VPS13C: variants seen among roughly 807,000 people sequenced by gnomAD.
VPS13C encodes the protein intermembrane lipid transfer protein VPS13C.
VPS13C carries 358 observed loss-of-function variants against 456.8 expected under a neutral mutation model. The ratio of observed to expected loss-of-function variants is 0.78; its 90% CI spans 0.72 to 0.86. VPS13C has a LOEUF of 0.86. Among genes scored for constraint, VPS13C ranks in the 40% least tolerant of loss-of-function variants. The pLI, the probability that VPS13C is intolerant of heterozygous loss-of-function variation, is 0.00. For missense variants in VPS13C, 4,818 were observed against 4,385.4 expected, an observed-to-expected ratio of 1.10 and a Z score of -2.79; for synonymous variants, 1,578 against 1,486.7, an observed-to-expected ratio of 1.06 and a Z score of -1.41.
At chr15:61,962,694 A>T in intron 33 of VPS13C, 55 bp downstream of exon 33, 1 of 1,375,928 alleles carries the variant, frequency 7.3e-7, no homozygotes, top group Non-Finnish European at 9.9e-7. Flanking sequence ...ATTTTACAAT[A>T]GAAGCTCATA....
intron 4 of VPS13C, 118 bp downstream of exon 4, chr15:62,034,839 A>G (rs2047935248): frequency 1.6e-6 from 1 of 625,152 alleles, no homozygotes. Context: ...TCTATGTATG[A>G]TTCATTTATT....
intron 66 of VPS13C, among the ~76,000 whole-genome samples, chr15:61,895,820 C>G (rs574371312): frequency 6.6e-6 from 1 of 151,950 alleles, no homozygotes; most frequent in Non-Finnish European, 1.5e-5. Flanking sequence ...GGAAGAAGGG[C>G]GGATAGGGAA....
At chr15:61,973,114 T>C (rs539235881) in intron 26 of VPS13C, among the ~76,000 whole-genome samples, 3 of 152,190 alleles carry the variant, frequency 2.0e-5, no homozygotes, top group Non-Finnish European at 2.9e-5. Flanking sequence ...GGTCCTGTCC[T>C]GATGAAGCTT....
At chr15:61,994,980 CA>C (rs2046336310) in intron 16 of VPS13C, among the ~76,000 whole-genome samples, 1 of 152,108 alleles carries the variant, frequency 6.6e-6, no homozygotes, top group Non-Finnish European at 1.5e-5. Context: ...AAGCAAGTTA[CA>C]AAACCTTCTC....
chr15:61,991,576 A>C (rs2046223620), intron 17 of VPS13C, 97 bp downstream of exon 17: 1 of 1,366,626 alleles, frequency 7.3e-7, no homozygotes, highest in Admixed American at 2.4e-5. Context: ...ATTTATTTCA[A>C]ATGTATTTCA....
intron 38 of VPS13C, among the ~76,000 whole-genome samples, chr15:61,952,547 T>A (rs1299478341): frequency 6.6e-6 from 1 of 152,112 alleles, no homozygotes; most frequent in African/African-American, 2.4e-5. Flanking sequence ...GTTAAGTATA[T>A]CTGCAAATAG....
intron 66 of VPS13C, among the ~76,000 whole-genome samples, chr15:61,900,990 A>G (rs1014937020): frequency 2.6e-5 from 4 of 152,284 alleles, no homozygotes; most frequent in African/African-American, 9.6e-5. Flanking sequence ...GACAAACCTG[A>G]CAAAAACAAG....
chr15:62,014,149 C>CA (rs1322867753), intron 9 of VPS13C, among the ~76,000 whole-genome samples, 157 bp from the exon 10 acceptor site: 2 of 150,296 alleles, frequency 1.3e-5, no homozygotes, highest in Admixed American at 6.6e-5. Context: ...ATTTATAAGA[C>CA]AAAATCAAAG....
rs780873953 is a variant in VPS13C, at chr15:61,911,903, A to G, written c.8652T>C (p.Val2884=). Residue 2884 remains valine (V), a synonymous_variant, in exon 63 of 85, where the codon GTT becomes GTC. Coordinates refer to ENST00000644861, the MANE Select transcript of VPS13C (RefSeq NM_020821.3). ...TTGAGCCATCAGATGCAATCTCGCC[A>G]ACTTCTAGTTCTAATGATGACTTGT... is the stretch of plus-strand genomic sequence containing the variant. ...IANKSSLELE[V]GEIASDGSMP... 1.2e-6 allele frequency: 2 copies of G among 1,612,752 alleles called. No individual in the cohort carries two copies. Among genetic ancestry groups the G allele is most frequent in the Non-Finnish European group, 1.7e-6 (2 of 1,179,308 alleles).
rs143080021 is a variant in VPS13C at position 61,983,945 on chromosome 15, C to G, written c.1789G>C (p.Val597Leu). Residue 597 changes from valine to leucine, a missense_variant, in exon 20 of 85, where the codon GTG (valine) becomes CTG (leucine). Transcript: ENST00000644861. ...GATGTAGTGTCACCAATTGAAGCCACAAGTGATGGCACAATATCCTGCTGT... is the reference window on the plus strand; with the variant it reads ...GATGTAGTGTCACCAATTGAAGCCAGAAGTGATGGCACAATATCCTGCTGT... ...LRQQDIVPSL[V>L]ASIGDTTSSL... The G allele has an allele frequency of 1.1e-5, 17 of 1,614,004 alleles. No homozygotes were observed. In the South Asian group the frequency reaches 1.8e-4, roughly 17 times the overall value.
At chr15:61,909,605 C>T (rs1239578249) in intron 64 of VPS13C, among the ~76,000 whole-genome samples, 2 of 152,154 alleles carry the variant, frequency 1.3e-5, no homozygotes, top group Non-Finnish European at 2.9e-5. Flanking sequence ...CAAATAATTA[C>T]CAGTAAATTT....
chr15:62,015,793 G>C (rs1366476052), intron 9 of VPS13C, among the ~76,000 whole-genome samples: 6 of 110,260 alleles, frequency 5.4e-5, no homozygotes, highest in African/African-American at 2.1e-4. Flanking sequence ...GGGGGAGGGG[G>C]GAGGGGGGAG....
At chr15:61,935,800 A>C (rs1055993836) in intron 48 of VPS13C, 1 of 152,224 alleles carries the variant, frequency 6.6e-6, no homozygotes, top group African/African-American at 2.4e-5. Flanking sequence ...CTATAGGAGA[A>C]GCAGTGTTGA....
intron 18 of VPS13C, among the ~76,000 whole-genome samples, chr15:61,987,374 G>C (rs967881994): frequency 6.6e-6 from 1 of 152,158 alleles, no homozygotes; most frequent in Non-Finnish European, 1.5e-5. Flanking sequence ...GTTCCACACG[G>C]CTGGGGAGGC....
intron 46 of VPS13C, among the ~76,000 whole-genome samples, chr15:61,941,042 A>G (rs1400343865): frequency 6.6e-6 from 1 of 152,220 alleles, no homozygotes; most frequent in African/African-American, 2.4e-5. Context: ...TTCATACACT[A>G]TGACAACTGC....
chr15:61,929,266 A>C (rs960282128), intron 51 of VPS13C, among the ~76,000 whole-genome samples: 2 of 152,188 alleles, frequency 1.3e-5, no homozygotes, highest in Non-Finnish European at 2.9e-5. Flanking sequence ...TCAGTAAAGA[A>C]ATGTTCATGG....
intron 61 of VPS13C, among the ~76,000 whole-genome samples, chr15:61,915,182 G>A (rs922750699): frequency 2.0e-5 from 3 of 152,150 alleles, no homozygotes; most frequent in Non-Finnish European, 4.4e-5. Context: ...ATACCAAAAT[G>A]TGAGCCTGAA....
At chr15:61,894,287 G>A (rs2042737997) in intron 66 of VPS13C, among the ~76,000 whole-genome samples, 1 of 151,100 alleles carries the variant, frequency 6.6e-6, no homozygotes, top group African/African-American at 2.4e-5. Context: ...CAGCCAGGGT[G>A]ACAGAGCAAG....
chr15:61,951,977 C>T lies in VPS13C; in HGVS notation c.4303G>A (p.Val1435Met), dbSNP rs1329283573. Residue 1435 changes from valine (V) to methionine (M), a missense_variant, in exon 39 of 85, where the codon GTG becomes ATG. This residue lies in a region of VPS13C where 4,552 missense variants were observed against 4,130.6 expected (regional missense o/e 1.10). Transcript: ENST00000644861. ...TCTGATTTTTTCATCAAAGTAACCA[C>T]AACCTAAAAAACGGTACCAGTATTA... Reference protein sequence around the residue: ...MLLNFEIKEVVVTLMKKSEKK... With the variant: ...MLLNFEIKEVMVTLMKKSEKK... The T allele has an allele frequency of 5.6e-6, 9 of 1,610,964 alleles. No homozygotes were observed. In the South Asian group the frequency reaches 1.0e-4, roughly 18 times the overall value.
Sources: gnomAD v4.1 joint callset for allele counts (sites outside exome capture counted in the v4.1 genomes callset) on GRCh38, gnomAD v4.1.1 for gene constraint, gnomAD v4.1.1 regional missense constraint, MANE v1.5 for transcripts, NCBI Gene and HGNC (gene_info 2026-07-23, HGNC 2026-07-21) for gene names.